STAT6: variants seen among roughly 807,000 people sequenced by gnomAD.
The protein encoded by STAT6 is signal transducer and activator of transcription 6.
STAT6 carries 45 observed loss-of-function variants against 106.3 expected under a neutral mutation model. The observed-to-expected ratio is 0.42, with a 90% CI of 0.33 to 0.54. The LOEUF (loss-of-function observed/expected upper bound fraction) is 0.54. Among genes scored for constraint, STAT6 ranks in the 20% least tolerant of loss-of-function variants. The pLI, the probability that STAT6 is intolerant of heterozygous loss-of-function variation, is 0.06. For missense variants in STAT6, 797 were observed against 1,062.2 expected (o/e 0.75, Z 3.47); for synonymous variants, 413 against 413.6 (o/e 1.00, Z 0.02).
At position 57,099,281 on chromosome 12, in the gene STAT6, A is replaced by G; in HGVS notation, c.1891+13T>C. The G allele has an allele frequency of 6.2e-7, 1 of 1,614,060 alleles. No individual in the cohort carries two copies. Among genetic ancestry groups the G allele is most frequent in the South Asian group, 1.1e-5 (1 of 91,076 alleles). ...GTGACAGGAAGGAATCAGAGCTGCCAGTTCCAGCTCACGCTTGTAGTGGCT... is the reference window on the plus strand; with the variant it reads ...GTGACAGGAAGGAATCAGAGCTGCCGGTTCCAGCTCACGCTTGTAGTGGCT... On this transcript the variant is annotated intron_variant, in intron 16 of 21. Transcript: ENST00000300134. This position sits in a 1 kb window ranked among gnomAD's most constrained non-coding sequence, Gnocchi z 4.7.
At chr12:57,110,127 A>G (rs895342717) in intron 1 of STAT6, 5 of 152,178 alleles carry the variant, frequency 3.3e-5, no homozygotes, top group African/African-American at 1.2e-4. Context: ...CAAGAGAGAA[A>G]GGTCCTCTGG....
intron 13 of STAT6, among the ~76,000 whole-genome samples, chr12:57,100,428 G>A (rs2033749500): frequency 6.6e-6 from 1 of 152,004 alleles, no homozygotes; most frequent in African/African-American, 2.4e-5. Context: ...TTTAAACCCA[G>A]GCATTCTGGC....
At chr12:57,100,745 AG>A in intron 13 of STAT6, 1 of 260,036 alleles carries the variant, frequency 3.8e-6, no homozygotes, top group South Asian at 3.0e-5. Context: ...AAAGAAAGAA[AG>A]AAAAGAAAAA....
At chr12:57,108,851 G>T (rs2034429064) in intron 1 of STAT6, among the ~76,000 whole-genome samples, 1 of 152,170 alleles carries the variant, frequency 6.6e-6, no homozygotes, top group South Asian at 2.1e-4. Flanking sequence ...TGACGCCAAA[G>T]GCATCCCTAG....
At chr12:57,102,802 TC>T (rs774973520) in intron 12 of STAT6, 26 bp downstream of exon 12, 23 of 1,589,086 alleles carry the variant, frequency 1.4e-5, no homozygotes, top group Non-Finnish European at 2.0e-5. Flanking sequence ...CTGCCCCTGT[TC>T]CCTCCAACTC....
intron 13 of STAT6, chr12:57,100,701 AG>A (rs1282079757): frequency 4.9e-3 from 185 of 37,750 alleles, no homozygotes; most frequent in African/African-American, 0.021. Flanking sequence ...AGAAAGAAAG[AG>A]AAAGAAAGAA....
intron 4 of STAT6, 108 bp from the exon 5 acceptor site, chr12:57,106,939 T>C: frequency 6.6e-7 from 1 of 1,521,016 alleles, no homozygotes. Context: ...CCCTCTCCCC[T>C]TTGGCAGTTC....
chr12:57,106,496 C>G, intron 6 of STAT6, 32 bp downstream of exon 6: 1 of 1,613,116 alleles, frequency 6.2e-7, no homozygotes, highest in Non-Finnish European at 8.5e-7. Context: ...TGCACTTTGA[C>G]CAAGGTCTCC....
At chr12:57,105,699 G>A (rs2034228372) in intron 7 of STAT6, 100 bp from the exon 8 acceptor site, 1 of 1,476,612 alleles carries the variant, frequency 6.8e-7, no homozygotes, top group Non-Finnish European at 9.0e-7. Context: ...ATCATGTGTG[G>A]AGAAGTGGGG....
intron 4 of STAT6, 94 bp from the exon 5 acceptor site, chr12:57,106,925 G>A: frequency 1.9e-6 from 3 of 1,556,410 alleles, no homozygotes; most frequent in South Asian, 1.2e-5. Flanking sequence ...GCGTTTTCTT[G>A]TTCCCCTCTC....
rs376983459 is a variant in STAT6, at chr12:57,105,593, T to C, written c.687A>G (p.Glu229=). Residue 229 remains glutamate (E), a synonymous_variant, in exon 8 of 22, where the codon GAA becomes GAG. Transcript: ENST00000300134. ...ESLAPLQERC[E]SLVDIYSQLQ... The stretch of plus-strand genomic sequence containing the variant: ...GCTGGGAATAAATGTCCACCAGGCT[T>C]TCACACCTGGGGCCAGGACAGTGGT... 2.2e-5 allele frequency: 35 copies of C among 1,613,632 alleles called. No homozygotes were observed. Among genetic ancestry groups the C allele is most frequent in the Non-Finnish European group, 2.9e-5 (34 of 1,179,896 alleles).
chr12:57,108,485 T>TA (rs2034407771), intron 1 of STAT6, among the ~76,000 whole-genome samples, 186 bp from the exon 2 acceptor site: 1 of 152,122 alleles, frequency 6.6e-6, no homozygotes, highest in South Asian at 2.1e-4. Context: ...CCTTCAGTGA[T>TA]AGACACAGGG....
chr12:57,102,623 C>A, intron 12 of STAT6, 127 bp from the exon 13 acceptor site: 1 of 1,096,646 alleles, frequency 9.1e-7, no homozygotes. Flanking sequence ...CACAAACATG[C>A]TGTTTTTTCT....
At position 57,108,270 on chromosome 12, in the gene STAT6, C is replaced by G; in HGVS notation, c.9G>C (p.Leu3=). The G allele has an allele frequency of 6.2e-7, 1 of 1,606,666 alleles. No homozygotes were observed. Among genetic ancestry groups the G allele is most frequent in the Non-Finnish European group, 8.5e-7 (1 of 1,174,974 alleles). Reference sequence around the variant, plus strand: ...GGGGCATCTTGGAGACCAGACCCCACAGAGACATGATCTGGGACTTGGAGG... The same window carrying G: ...GGGGCATCTTGGAGACCAGACCCCAGAGAGACATGATCTGGGACTTGGAGG... MS[L]WGLVSKMPPE... The change falls in exon 2 of 22, where the codon CTG becomes CTC. Residue 3 remains leucine, a synonymous_variant. Coordinates refer to ENST00000300134, the MANE Select transcript of STAT6 (RefSeq NM_003153.5).
Position 57,106,303 on chromosome 12 carries a change from G to A in STAT6, c.568C>T (p.Leu190=). ...AGCACTAGGGCTTTGGCTGCCTCTA[G>A]CTCTCCAGTGGTCTCCTGCAGTAGC... ...AMLLQETTGE[L]EAAKALVLKR... The change falls in exon 7 of 22, where the codon CTA becomes TTA. Residue 190 remains leucine, a synonymous_variant. Transcript: ENST00000300134. 6.2e-7 allele frequency: 1 copy of A among 1,614,236 alleles called. No homozygotes were observed.
Position 57,096,776 on chromosome 12 carries a change from G to A in STAT6, c.2355-15C>T. The A allele has an allele frequency of 6.2e-7, 1 of 1,613,488 alleles. No individual in the cohort carries two copies. The highest frequency in any genetic ancestry group is 1.1e-5 in the South Asian group (1 of 91,068). ...CTTCACCAATCCTGCAAGGAGATGG[G>A]AGAAGCAGTGGAGTAGGCATGGCGC... On this transcript the variant is annotated splice_polypyrimidine_tract_variant and intron_variant, in intron 21 of 21. Coordinates refer to ENST00000300134, the MANE Select transcript of STAT6 (RefSeq NM_003153.5).
At position 57,107,677 on chromosome 12, in the gene STAT6, G is replaced by A; in HGVS notation, c.183C>T (p.Val61=). 1 of 1,614,144 alleles carries A rather than the reference G, an allele frequency of 6.2e-7. No individual in the cohort carries two copies. Among genetic ancestry groups the A allele is most frequent in the Non-Finnish European group, 8.5e-7 (1 of 1,180,022 alleles). ...CTCCCACCGAGGCCTGAAGGTGCTG[G>A]ACAGTGTCTGAAAGTAGGGCACTAG... is the stretch of plus-strand genomic sequence containing the variant. ...NLASALLSDT[V]QHLQASVGEQ... The change falls in exon 3 of 22, where the codon GTC becomes GTT. Residue 61 remains valine, a synonymous_variant. Coordinates refer to ENST00000300134, the MANE Select transcript of STAT6 (RefSeq NM_003153.5).
At chr12:57,101,896 C>A (rs1446768638) in intron 13 of STAT6, among the ~76,000 whole-genome samples, 1 of 152,136 alleles carries the variant, frequency 6.6e-6, no homozygotes, top group African/African-American at 2.4e-5. Flanking sequence ...AACTCCTGAC[C>A]TCAGGTGATC....
chr12:57,098,682 G>A, intron 18 of STAT6, 85 bp from the exon 19 acceptor site: 1 of 1,561,694 alleles, frequency 6.4e-7, no homozygotes, highest in Non-Finnish European at 8.8e-7. Context: ...TCCCTCTCAT[G>A]GAAAGGAAGA....
Sources: gnomAD v4.1 joint callset for allele counts (sites outside exome capture counted in the v4.1 genomes callset) on GRCh38, gnomAD v4.1.1 for gene constraint, Gnocchi (gnomAD v3.1) non-coding constraint, MANE v1.5 for transcripts, NCBI Gene and HGNC (gene_info 2026-07-23, HGNC 2026-07-21) for gene names.